The following KLHL36 variants were observed in gnomAD, a reference collection of about 807,000 sequenced individuals.
KLHL36 encodes the protein kelch-like protein 36.
Under a neutral mutation model 53.3 loss-of-function variants are expected in KLHL36, and 35 were observed. The ratio of observed to expected loss-of-function variants is 0.66; its 90% CI spans 0.50 to 0.87. KLHL36 has a LOEUF of 0.87. Among genes scored for constraint, KLHL36 ranks in the 40% least tolerant of loss-of-function variants. The pLI is 0.00. For synonymous variants in KLHL36, 472 were observed against 398.9 expected, an observed-to-expected ratio of 1.18 and a Z score of -2.18; for missense variants, 864 against 897.6, an observed-to-expected ratio of 0.96 and a Z score of 0.48.
rs976345590 is a variant in KLHL36 at position 84,663,578 on chromosome 16, A to C, written c.*1445A>C. The stretch of plus-strand genomic sequence containing the variant: ...ATCAGTAAACTTCAAGATGTGCTTC[A>C]TCTTCAATCCTAGTCTAACACCAGT... On this transcript the variant is annotated 3_prime_UTR_variant, in exon 5 of 5. Coordinates refer to ENST00000564996, the MANE Select transcript of KLHL36 (RefSeq NM_024731.4). The C allele has an allele frequency of 6.6e-6, 1 of 151,974 alleles. No homozygotes were observed. Among genetic ancestry groups the C allele is most frequent in the Non-Finnish European group, 1.5e-5 (1 of 68,002 alleles). The allele number at this position is 151,974 out of a possible 1,614,324, so 9.4% of individuals were successfully genotyped here.
Position 84,657,124 on chromosome 16 carries a change from G to T in KLHL36, c.317G>T (p.Gly106Val), listed in dbSNP as rs368906680. The T allele has an allele frequency of 1.9e-6, 3 of 1,614,088 alleles. No individual in the cohort carries two copies. The highest frequency in any genetic ancestry group is 2.5e-6 in the Non-Finnish European group (3 of 1,180,054). ...AAGGCCGTGGTGGACTTCCTGTACG[G>T]CGGGGAGCTGGTGCTGGATGGCGGC... ...GLKAVVDFLYGGELVLDGGNI... is the reference protein window; with the variant it reads ...GLKAVVDFLYVGELVLDGGNI... The change falls in exon 3 of 5, where the codon GGC becomes GTC. Residue 106 changes from glycine to valine, a missense_variant. Coordinates refer to ENST00000564996, the MANE Select transcript of KLHL36 (RefSeq NM_024731.4).
In KLHL36 at chr16:84,657,854, C is replaced by A; in HGVS notation, c.1047C>A (p.Ile349=). Residue 349 remains isoleucine, a synonymous_variant, in exon 3 of 5, where the codon ATC becomes ATA. Coordinates refer to ENST00000564996, the MANE Select transcript of KLHL36 (RefSeq NM_024731.4). ...CVAVLGGFIF[I]AGGSFSRDNG... The stretch of plus-strand genomic sequence containing the variant: ...CGGTGCTGGGGGGCTTCATCTTCAT[C>A]GCCGGCGGCAGCTTCTCACGGGACA... 2 of 1,593,150 alleles carry A rather than the reference C, an allele frequency of 1.3e-6. No homozygotes were observed.
chr16:84,658,277 G>A, intron 3 of KLHL36: 1 of 230,616 alleles, frequency 4.3e-6, no homozygotes. Context: ...CAGTGCGACT[G>A]AAGAAGTCAA....
rs374440767 is a variant in KLHL36, at chr16:84,657,197, G to A, written c.390G>A (p.Thr130=). The A allele has an allele frequency of 8.7e-6, 14 of 1,614,052 alleles. No individual in the cohort carries two copies. In the African/African-American group the frequency reaches 1.3e-4, roughly 15 times the overall value. The change falls in exon 3 of 5, where the codon ACG becomes ACA. Residue 130 remains threonine, a synonymous_variant. Transcript: ENST00000564996. ...CGGCTCACCTGCTGCAGATCTGGAC[G>A]GTGGTAGACTTCTGCTGTGAGTACC... ...LETAHLLQIW[T]VVDFCCEYLE...
chr16:84,659,718 C>A (rs369452174), intron 3 of KLHL36, 42 bp from the exon 4 acceptor site: 3 of 1,600,022 alleles, frequency 1.9e-6, no homozygotes, highest in Middle Eastern at 1.7e-4. Flanking sequence ...GATGCTGTCC[C>A]GGGTTCGGGG....
At chr16:84,654,914 C>T (rs1241473700) in intron 2 of KLHL36, among the ~76,000 whole-genome samples, 4 of 152,172 alleles carry the variant, frequency 2.6e-5, no homozygotes, top group Non-Finnish European at 4.4e-5. Flanking sequence ...CCGGCTGAGC[C>T]TAGGAGTTTC....
intron 1 of KLHL36, chr16:84,649,066 G>A (rs1384949241): frequency 6.6e-6 from 1 of 152,300 alleles, no homozygotes; most frequent in East Asian, 1.9e-4. Context: ...CCAACGCTGA[G>A]GTCGGGAGGG....
Position 84,662,406 on chromosome 16 carries a change from C to T in KLHL36, c.*273C>T, listed in dbSNP as rs899609534. 3.8e-5 allele frequency: 12 copies of T among 314,086 alleles called. No individual in the cohort carries two copies. Among genetic ancestry groups the T allele is most frequent in the Non-Finnish European group, 7.1e-5 (12 of 168,492 alleles). The allele number at this position is 314,086 out of a possible 1,614,324, so 19.5% of individuals were successfully genotyped here. ...CCCCGTGTTATGATTCCTCATGGGTCCTTGCTGACTGTCCCCCTGAGAGTA... is the reference window on the plus strand; with the variant it reads ...CCCCGTGTTATGATTCCTCATGGGTTCTTGCTGACTGTCCCCCTGAGAGTA... On this transcript the variant is annotated 3_prime_UTR_variant, in exon 5 of 5. Transcript: ENST00000564996.
intron 4 of KLHL36, 47 bp downstream of exon 4, chr16:84,659,964 G>C (rs1184272144): frequency 1.3e-6 from 2 of 1,576,070 alleles, no homozygotes; most frequent in Admixed American, 3.4e-5. Flanking sequence ...ATGTTTTTAA[G>C]GGACATAGTT....
Position 84,654,201 on chromosome 16 carries a change from C to T in KLHL36, c.64-2670C>T, listed in dbSNP as rs370106187. On this transcript the variant is annotated intron_variant, in intron 2 of 4. Coordinates refer to ENST00000564996, the MANE Select transcript of KLHL36 (RefSeq NM_024731.4). ...CCAGGGTCCCCGGGTGGCAGATAGC[C>T]GCCTCATGCCCTCATATGCGTCTCT... is the stretch of plus-strand genomic sequence containing the variant. Among the ~76,000 whole-genome samples the T allele has an allele frequency of 3.6e-4, 55 of 152,338 alleles. No individual in the cohort carries two copies. In the South Asian group the frequency reaches 0.011, roughly 30 times the overall value.
At position 84,657,368 on chromosome 16, in the gene KLHL36, C is replaced by A. The variant is rs756789288; in HGVS notation, c.561C>A (p.Asn187Lys). The change falls in exon 3 of 5, where the codon AAC becomes AAA. Residue 187 changes from asparagine (N) to lysine (K), a missense_variant. Physicochemically the swap from Asn to Lys is moderately conservative, Grantham distance 94. Coordinates refer to ENST00000564996, the MANE Select transcript of KLHL36 (RefSeq NM_024731.4). ...CCTTTACGCCCGACTTCCTGCAGAA[C>A]GTCTCCATGCAGAAGCTGTGTGTCT... ...TLSFTPDFLQ[N>K]VSMQKLCVYL... 4 of 1,610,982 alleles carry A rather than the reference C, an allele frequency of 2.5e-6. No homozygotes were observed. Among genetic ancestry groups the A allele is most frequent in the Non-Finnish European group, 3.4e-6 (4 of 1,180,026 alleles).
At chr16:84,655,072 C>T (rs981911961) in intron 2 of KLHL36, among the ~76,000 whole-genome samples, 5 of 152,188 alleles carry the variant, frequency 3.3e-5, no homozygotes, top group African/African-American at 7.2e-5. Flanking sequence ...GAGATCTCCA[C>T]GTGTGTGACC....
chr16:84,657,417 C>T lies in KLHL36; in HGVS notation c.610C>T (p.Arg204Trp). Residue 204 changes from arginine to tryptophan, a missense_variant, in exon 3 of 5, where the codon CGG (arginine) becomes TGG (tryptophan). Coordinates refer to ENST00000564996, the MANE Select transcript of KLHL36 (RefSeq NM_024731.4). The stretch of plus-strand genomic sequence containing the variant: ...CTACCTGAGCAGCAGCGAGGTGCAG[C>T]GGGAGTGTGAGCACGACCTCCTGCA... ...CVYLSSSEVQ[R>W]ECEHDLLQAA... 1.2e-6 allele frequency: 2 copies of T among 1,606,394 alleles called. No individual in the cohort carries two copies. Among genetic ancestry groups the T allele is most frequent in the Non-Finnish European group, 1.7e-6 (2 of 1,179,966 alleles).
At position 84,656,869 on chromosome 16, in the gene KLHL36, A is replaced by G; in HGVS notation, c.64-2A>G. 1.2e-6 allele frequency: 2 copies of G among 1,600,046 alleles called. No individual in the cohort carries two copies. The highest frequency in any genetic ancestry group is 1.7e-6 in the Non-Finnish European group (2 of 1,171,294). On this transcript the variant is annotated splice_acceptor_variant, in intron 2 of 4. Transcript: ENST00000564996. LOFTEE classifies it high-confidence loss of function. Reference sequence around the variant, plus strand: ...CGTTTCTAATGTGTCTTCTCTGTCCAGGTATACCGCTGGGCCGACCACTCA... The same window carrying G: ...CGTTTCTAATGTGTCTTCTCTGTCCGGGTATACCGCTGGGCCGACCACTCA...
chr16:84,650,542 C>G (rs751887459), intron 1 of KLHL36, among the ~76,000 whole-genome samples: 5 of 151,964 alleles, frequency 3.3e-5, no homozygotes, highest in Non-Finnish European at 5.9e-5. Context: ...AGTCTGGGCT[C>G]CGAAATGATA....
rs529241297 is a variant in KLHL36 at position 84,661,308 on chromosome 16, A to G, written c.1296-270A>G. Among the ~76,000 whole-genome samples the G allele has an allele frequency of 1.3e-5, 2 of 152,144 alleles. No individual in the cohort carries two copies. The highest frequency in any genetic ancestry group is 3.9e-4 in the East Asian group (2 of 5,168). ...GGGTGATGGTCCTGTGATTATTCCC[A>G]TTTCCCAGATGGGGCAAGGGAGACT... On this transcript the variant is annotated intron_variant, in intron 4 of 4. Transcript: ENST00000564996. This position sits in a 1 kb window ranked among gnomAD's most constrained non-coding sequence, Gnocchi z 7.9.
rs1243348806 is a variant in KLHL36 at position 84,661,324 on chromosome 16, AAGGGAGACTCAG to A, written c.1296-251_1296-240del. 2.6e-5 allele frequency among the ~76,000 whole-genome samples: 4 copies of A among 152,190 alleles called. No homozygotes were observed. On this transcript the variant is annotated intron_variant, in intron 4 of 4. Transcript: ENST00000564996. This position sits in a 1 kb window ranked among gnomAD's most constrained non-coding sequence, Gnocchi z 7.9. ...ATTATTCCCATTTCCCAGATGGGGC[AAGGGAGACTCAG>A]AGAGAGTGAAGCTGGGTTCTGGCCC... is the stretch of plus-strand genomic sequence containing the variant.
At position 84,664,527 on chromosome 16, in the gene KLHL36, G is replaced by A. The variant is rs570822736; in HGVS notation, c.*2394G>A. Reference sequence around the variant, plus strand: ...TACGACGTCCTGCGCTTCATATTTTGTGGTGTCTCTCCTGATACTATGAAG... The same window carrying A: ...TACGACGTCCTGCGCTTCATATTTTATGGTGTCTCTCCTGATACTATGAAG... On this transcript the variant is annotated 3_prime_UTR_variant, in exon 5 of 5. Transcript: ENST00000564996. The A allele has an allele frequency of 3.3e-5, 5 of 152,284 alleles. No homozygotes were observed. In the South Asian group the frequency reaches 1.0e-3, roughly 32 times the overall value. 9.4% of individuals were successfully genotyped at this position (152,284 alleles called of 1,614,324 possible).
chr16:84,654,427 C>T (rs1001709386), intron 2 of KLHL36, among the ~76,000 whole-genome samples: 1 of 152,094 alleles, frequency 6.6e-6, no homozygotes, highest in African/African-American at 2.4e-5. Context: ...GCAGGAGGAT[C>T]GTTTGAACTC....
Sources: gnomAD v4.1 joint callset for allele counts (sites outside exome capture counted in the v4.1 genomes callset) on GRCh38, gnomAD v4.1.1 for gene constraint, Gnocchi (gnomAD v3.1) non-coding constraint, MANE v1.5 for transcripts, NCBI Gene and HGNC (gene_info 2026-07-23, HGNC 2026-07-21) for gene names.